Variants in CAPS2 observed in about 807,000 individuals in gnomAD.
CAPS2 encodes calcyphosine 2, also known as calcyphosin-2.
In CAPS2, 98 loss-of-function variants were observed where a neutral mutation model predicts 86.5. That is an observed-to-expected ratio of 1.13 (90% CI 0.96 to 1.34). The LOEUF is 1.34. Ranked by LOEUF, CAPS2 falls within the 40% of genes most tolerant of loss-of-function variation. The pLI is 0.00. For missense variants in CAPS2, 729 were observed against 686.8 expected (o/e 1.06, Z -0.69); for synonymous variants, 210 against 225.1 (o/e 0.93, Z 0.60).
At position 75,288,186 on chromosome 12, in the gene CAPS2, T is replaced by C. The variant is rs182305125; in HGVS notation, c.1395+1435A>G. On this transcript the variant is annotated intron_variant, in intron 14 of 16. Coordinates refer to ENST00000393284, the Ensembl canonical transcript of CAPS2. ...CTGTTTTGTTATTGTTGTTGTTGTTTTAATCTACAAAACGAAGAGAGGAAG... is the reference window on the plus strand; with the variant it reads ...CTGTTTTGTTATTGTTGTTGTTGTTCTAATCTACAAAACGAAGAGAGGAAG... 8.1e-4 allele frequency among the ~76,000 whole-genome samples: 124 copies of C among 152,350 alleles called. 1 individual carries two copies. Among genetic ancestry groups the C allele is most frequent in the African/African-American group, 2.9e-3 (119 of 41,578 alleles).
chr12:75,384,882 C>A (rs2045205215), intron 1 of CAPS2, among the ~76,000 whole-genome samples: 1 of 152,138 alleles, frequency 6.6e-6, no homozygotes. Flanking sequence ...AATTTAATTT[C>A]CATTGAGGCA....
intron 1 of CAPS2, among the ~76,000 whole-genome samples, chr12:75,385,507 C>T (rs1335276286): frequency 6.6e-6 from 1 of 152,236 alleles, no homozygotes; most frequent in East Asian, 1.9e-4. Flanking sequence ...TAACTGCATA[C>T]TTAATGATGA....
intron 1 of CAPS2, among the ~76,000 whole-genome samples, chr12:75,325,623 G>GT (rs1226874407): frequency 6.6e-6 from 1 of 151,732 alleles, no homozygotes; most frequent in Non-Finnish European, 1.5e-5. Context: ...TTTTTTGTTT[G>GT]TTTTTTTGTT....
At chr12:75,347,791 C>A in intron 1 of CAPS2, 1 of 911,280 alleles carries the variant, frequency 1.1e-6, no homozygotes. Flanking sequence ...AATAAGAGGA[C>A]CTTATACTAG....
intron 1 of CAPS2, among the ~76,000 whole-genome samples, chr12:75,367,698 T>A (rs2044074770): frequency 6.6e-6 from 1 of 152,186 alleles, no homozygotes; most frequent in Admixed American, 6.5e-5. Flanking sequence ...TCTGACAGTT[T>A]ATTGATTTTC....
chr12:75,330,561 G>A (rs1196709925), upstream of CAPS2, among the ~76,000 whole-genome samples: 1 of 152,172 alleles, frequency 6.6e-6, no homozygotes, highest in Non-Finnish European at 1.5e-5. Context: ...CTCTCAAGGA[G>A]CTTGCACTTA....
chr12:75,285,051 A>C, exon 15 of CAPS2: 1 of 1,611,628 alleles, frequency 6.2e-7, no homozygotes. Context: ...TGCCATTGTC[A>C]TTCAGAATTA....
At chr12:75,293,122 T>G in intron 12 of CAPS2, 127 bp downstream of exon 12, 1 of 625,482 alleles carries the variant, frequency 1.6e-6, no homozygotes, top group Non-Finnish European at 2.8e-6. Context: ...TACGTAGCTA[T>G]GCTTGTTTTT....
intron 7 of CAPS2, among the ~76,000 whole-genome samples, chr12:75,311,610 G>A (rs1013292038): frequency 2.0e-5 from 3 of 149,072 alleles, no homozygotes; most frequent in South Asian, 2.1e-4. Flanking sequence ...GCACACCCAC[G>A]TAGGGAAGAT....
At chr12:75,352,193 T>C (rs2042860106) in intron 1 of CAPS2, among the ~76,000 whole-genome samples, 1 of 152,168 alleles carries the variant, frequency 6.6e-6, no homozygotes, top group Admixed American at 6.5e-5. Context: ...AAAGGCCCCA[T>C]ATAAAAGGCA....
chr12:75,304,723 G>C, intron 8 of CAPS2, 34 bp downstream of exon 8: 1 of 1,444,432 alleles, frequency 6.9e-7, no homozygotes, highest in Non-Finnish European at 9.5e-7. Flanking sequence ...AGAACATAGT[G>C]CATCCTCATT....
chr12:75,309,050 A>G (rs1369087438), intron 7 of CAPS2, among the ~76,000 whole-genome samples: 1 of 152,270 alleles, frequency 6.6e-6, no homozygotes, highest in Non-Finnish European at 1.5e-5. Context: ...TTAGCTACTT[A>G]AGGTTCATGC....
intron 1 of CAPS2, among the ~76,000 whole-genome samples, chr12:75,343,101 T>A (rs2042226567): frequency 6.6e-6 from 1 of 151,970 alleles, no homozygotes. Context: ...CTTATACATT[T>A]TATATATTTT....
intron 2 of CAPS2, among the ~76,000 whole-genome samples, chr12:75,323,816 T>C (rs1162068028): frequency 6.6e-6 from 1 of 152,216 alleles, no homozygotes; most frequent in East Asian, 1.9e-4. Context: ...TTCACTATTA[T>C]CTGTGCTCTA....
intron 12 of CAPS2, among the ~76,000 whole-genome samples, chr12:75,292,127 C>T (rs1203906949): frequency 4.0e-5 from 6 of 151,888 alleles, no homozygotes; most frequent in South Asian, 2.1e-4. Flanking sequence ...AGTGCAGTGG[C>T]GAGATCTCGG....
At chr12:75,364,567 T>C (rs758511440) in intron 1 of CAPS2, among the ~76,000 whole-genome samples, 1 of 152,232 alleles carries the variant, frequency 6.6e-6, no homozygotes, top group Admixed American at 6.5e-5. Context: ...TCATTAACTG[T>C]TAAATTTTTT....
chr12:75,383,989 A>C (rs985577012), intron 1 of CAPS2, among the ~76,000 whole-genome samples: 1 of 152,168 alleles, frequency 6.6e-6, no homozygotes. Context: ...GATGAAAACA[A>C]CTTGGCAAAA....
intron 15 of CAPS2, among the ~76,000 whole-genome samples, chr12:75,283,559 C>T (rs1269313850): frequency 2.0e-5 from 3 of 152,078 alleles, no homozygotes; most frequent in Non-Finnish European, 4.4e-5. Context: ...TGCCTGTAAT[C>T]CCAGCACTTT....
chr12:75,294,435 T>C (rs932900498), intron 11 of CAPS2, among the ~76,000 whole-genome samples: 6 of 152,214 alleles, frequency 3.9e-5, no homozygotes, highest in African/African-American at 1.4e-4. Flanking sequence ...CTTTATGACC[T>C]AGATAAGGCT....
Sources: allele counts gnomAD v4.1 joint callset (sites outside exome capture counted in the v4.1 genomes callset), GRCh38; gene constraint gnomAD v4.1.1; transcripts MANE v1.5; gene names NCBI Gene and HGNC (gene_info 2026-07-23, HGNC 2026-07-21).